Variants in SEMA3E observed in about 807,000 individuals in gnomAD.
SEMA3E encodes semaphorin 3E, also known as semaphorin-3E.
A neutral mutation model predicts 93.6 loss-of-function variants in SEMA3E; 49 were observed. That is an observed-to-expected ratio of 0.52 (90% CI 0.42 to 0.66). SEMA3E has a LOEUF of 0.66. SEMA3E is among the 30% of genes least tolerant of loss of function. The pLI is 0.00. For synonymous variants in SEMA3E, 363 were observed against 330.7 expected, an observed-to-expected ratio of 1.10 and a Z score of -1.06; for missense variants, 906 against 964.8, an observed-to-expected ratio of 0.94 and a Z score of 0.81.
chr7:83,385,321 C>T lies in SEMA3E; in HGVS notation c.1848G>A (p.Gln616=). The part of the protein sequence containing the change: ...SLQAKVIWFV[Q]KGRETRKEEV... Reference sequence around the variant, plus strand: ...CCTCTTTTCTTGTCTCACGTCCTTTCTGTACAAACCAGATAACTTTCGCTT... The same window carrying T: ...CCTCTTTTCTTGTCTCACGTCCTTTTTGTACAAACCAGATAACTTTCGCTT... The change falls in exon 16 of 17, where the codon CAG becomes CAA. Residue 616 remains glutamine, a synonymous_variant. Transcript: ENST00000643230. 6.2e-7 allele frequency: 1 copy of T among 1,613,440 alleles called. No individual in the cohort carries two copies. Among genetic ancestry groups the T allele is most frequent in the Non-Finnish European group, 8.5e-7 (1 of 1,179,564 alleles).
intron 1 of SEMA3E, among the ~76,000 whole-genome samples, chr7:83,641,098 T>C (rs1418377277): frequency 6.6e-6 from 1 of 152,082 alleles, no homozygotes; most frequent in African/African-American, 2.4e-5. Flanking sequence ...AGAAAGAAGG[T>C]GAATAGACAG....
chr7:83,520,389 C>G (rs886132905), intron 1 of SEMA3E, among the ~76,000 whole-genome samples: 3 of 152,076 alleles, frequency 2.0e-5, no homozygotes, highest in Non-Finnish European at 2.9e-5. Context: ...AATCAACATT[C>G]ATTTTCTCCC....
rs369049284 is a variant in SEMA3E, at chr7:83,365,295, C to A, written c.*2291G>T. 1.3e-5 allele frequency: 2 copies of A among 151,814 alleles called. No individual in the cohort carries two copies. The highest frequency in any genetic ancestry group is 4.8e-5 in the African/African-American group (2 of 41,280). 9.4% of individuals were successfully genotyped at this position (151,814 alleles called of 1,614,324 possible). Reference sequence around the variant, plus strand: ...TCTCTTCAGTACTGCCATAAACAGGCGGGAAGCAAGATTATATACATATAT... The same window carrying A: ...TCTCTTCAGTACTGCCATAAACAGGAGGGAAGCAAGATTATATACATATAT... On this transcript the variant is annotated 3_prime_UTR_variant, in exon 17 of 17. Coordinates refer to ENST00000643230, the MANE Select transcript of SEMA3E (RefSeq NM_012431.3).
intron 1 of SEMA3E, among the ~76,000 whole-genome samples, chr7:83,513,773 A>C (rs1790873137): frequency 6.6e-6 from 1 of 152,178 alleles, no homozygotes; most frequent in South Asian, 2.1e-4. Context: ...ATATTAATAA[A>C]TTATATATGC....
intron 14 of SEMA3E, among the ~76,000 whole-genome samples, chr7:83,390,050 T>C (rs1349063757): frequency 6.9e-6 from 1 of 145,404 alleles, no homozygotes; most frequent in African/African-American, 2.5e-5. Context: ...TATATGCGCG[T>C]ATACGTGTGC....
intron 1 of SEMA3E, among the ~76,000 whole-genome samples, chr7:83,570,645 G>A (rs1364890059): frequency 6.9e-6 from 1 of 145,096 alleles, no homozygotes; most frequent in East Asian, 2.0e-4. Context: ...TAGAAACCAA[G>A]CCCGAAGTTA....
Position 83,367,531 on chromosome 7 carries a change from CT to C in SEMA3E, c.*54del. The C allele has an allele frequency of 8.3e-6, 13 of 1,568,800 alleles. No homozygotes were observed. Among genetic ancestry groups the C allele is most frequent in the Non-Finnish European group, 1.1e-5 (13 of 1,140,388 alleles). ...AGAAGTTGGATGATTTATTTTTTTA[CT>C]TTTTTACTTTCCAAATATAAATTCT... On this transcript the variant is annotated 3_prime_UTR_variant, in exon 17 of 17. Transcript: ENST00000643230.
At chr7:83,389,353 C>T (rs1787945977) in intron 14 of SEMA3E, among the ~76,000 whole-genome samples, 2 of 124,620 alleles carry the variant, frequency 1.6e-5, no homozygotes, top group African/African-American at 5.1e-5. Flanking sequence ...TGAGAAATGG[C>T]TTCCACTTGG....
At chr7:83,481,101 C>T (rs1790136475) in intron 2 of SEMA3E, among the ~76,000 whole-genome samples, 5 of 152,092 alleles carry the variant, frequency 3.3e-5, no homozygotes, top group Admixed American at 3.3e-4. Context: ...AGAGCCCCAT[C>T]CCAATTTAGA....
chr7:83,471,108 T>G (rs1416170405), intron 2 of SEMA3E, among the ~76,000 whole-genome samples: 1 of 152,090 alleles, frequency 6.6e-6, no homozygotes, highest in East Asian at 1.9e-4. Context: ...GTACATAGTT[T>G]AGCAGGGCTA....
intron 1 of SEMA3E, among the ~76,000 whole-genome samples, chr7:83,633,845 A>G (rs969972119): frequency 1.3e-5 from 2 of 152,158 alleles, no homozygotes; most frequent in African/African-American, 4.8e-5. Flanking sequence ...TTGGCTGGGG[A>G]GTCCCAGAAG....
chr7:83,387,644 T>G (rs1024938858), intron 14 of SEMA3E, among the ~76,000 whole-genome samples: 1 of 151,636 alleles, frequency 6.6e-6, no homozygotes, highest in Non-Finnish European at 1.5e-5. Context: ...GTGTTTTTCA[T>G]GTTTAGCAGA....
intron 8 of SEMA3E, 92 bp from the exon 9 acceptor site, chr7:83,405,611 T>C: frequency 9.6e-7 from 1 of 1,042,268 alleles, no homozygotes; most frequent in Non-Finnish European, 1.5e-6. Context: ...TTAGAACTCA[T>C]TATAGATTTT....
intron 5 of SEMA3E, among the ~76,000 whole-genome samples, chr7:83,413,988 C>T (rs1371293222): frequency 2.0e-5 from 3 of 152,102 alleles, no homozygotes; most frequent in East Asian, 1.9e-4. Flanking sequence ...ATTCAAATAG[C>T]TCCTCAGAGA....
intron 14 of SEMA3E, among the ~76,000 whole-genome samples, chr7:83,387,360 G>A (rs920993637): frequency 6.6e-6 from 1 of 152,082 alleles, no homozygotes; most frequent in South Asian, 2.1e-4. Context: ...TCTAGTTTGA[G>A]AATGTCTTGA....
chr7:83,371,786 A>G (rs1259276670), intron 16 of SEMA3E: 1 of 152,180 alleles, frequency 6.6e-6, no homozygotes, highest in African/African-American at 2.4e-5. Flanking sequence ...CCCTTAAATA[A>G]ACTCCTTTCT....
In SEMA3E at chr7:83,465,882, A is replaced by G. The variant is rs138299487; in HGVS notation, c.456+600T>C. Among the ~76,000 whole-genome samples, 1,520 of 152,250 alleles carry G rather than the reference A, an allele frequency of 1.0e-2. 15 individuals are homozygous for G. The highest frequency in any genetic ancestry group is 0.014 in the Admixed American group (207 of 15,290). On this transcript the variant is annotated intron_variant, in intron 4 of 16. Transcript: ENST00000643230. ...TCTTTGAGCCTGCTTGCTAGTAAAT[A>G]TTATATGTGTGGCAGGATTCAGTTG... is the stretch of plus-strand genomic sequence containing the variant.
At chr7:83,594,274 G>T (rs753337662) in intron 1 of SEMA3E, among the ~76,000 whole-genome samples, 1 of 152,056 alleles carries the variant, frequency 6.6e-6, no homozygotes, top group Non-Finnish European at 1.5e-5. Flanking sequence ...TTGTGCAGCC[G>T]GCAGGAAGTT....
intron 4 of SEMA3E, among the ~76,000 whole-genome samples, chr7:83,454,153 G>C (rs1789425238): frequency 6.7e-6 from 1 of 150,102 alleles, no homozygotes; most frequent in South Asian, 2.1e-4. Flanking sequence ...AGCTACTCGG[G>C]AGGCTGAGGC....
Sources: gnomAD v4.1 joint callset for allele counts (sites outside exome capture counted in the v4.1 genomes callset) on GRCh38, gnomAD v4.1.1 for gene constraint, MANE v1.5 for transcripts, NCBI Gene and HGNC (gene_info 2026-07-23, HGNC 2026-07-21) for gene names.